NOL10: variants seen among roughly 807,000 people sequenced by gnomAD.
NOL10 encodes the protein H_NH0074G24.1.
NOL10 carries 58 observed loss-of-function variants against 103.5 expected under a neutral mutation model. The observed-to-expected ratio is 0.56, with a 90% CI of 0.45 to 0.70. NOL10 has a LOEUF of 0.70. Ranked by LOEUF, NOL10 falls within the 30% of genes least tolerant of loss-of-function variation. The probability of loss-of-function intolerance (pLI) is 0.00; values close to 1 mark genes in which losing one functional copy is unlikely to be tolerated. For missense variants in NOL10, 763 were observed against 807.3 expected (o/e 0.95, Z 0.67); for synonymous variants, 287 against 282.5 (o/e 1.02, Z -0.16).
intron 17 of NOL10, among the ~76,000 whole-genome samples, chr2:10,599,070 G>C (rs1675843041): frequency 8.4e-6 from 1 of 118,914 alleles, no homozygotes; most frequent in Non-Finnish European, 1.7e-5. Context: ...CCTCAGCAAA[G>C]GTCTACAAAG....
intron 13 of NOL10, among the ~76,000 whole-genome samples, chr2:10,631,716 T>C (rs1239643353): frequency 7.8e-6 from 1 of 128,994 alleles, no homozygotes; most frequent in Non-Finnish European, 1.5e-5. Context: ...ATGTTCTCCC[T>C]GTTTTTTTTT....
At chr2:10,653,734 A>G (rs1419891764) in intron 12 of NOL10, among the ~76,000 whole-genome samples, 1 of 149,166 alleles carries the variant, frequency 6.7e-6, no homozygotes, top group African/African-American at 2.5e-5. Context: ...CAGCCCCCCA[A>G]CTCCACCTAA....
intron 13 of NOL10, among the ~76,000 whole-genome samples, chr2:10,611,195 AATG>A (rs149893638): frequency 0.014 from 2,194 of 152,322 alleles, 65 homozygotes; most frequent in African/African-American, 0.05. Flanking sequence ...TAGCAACTTT[AATG>A]ATAATCATAT....
At chr2:10,680,716 G>A (rs1366371301) in intron 3 of NOL10, among the ~76,000 whole-genome samples, 1 of 152,116 alleles carries the variant, frequency 6.6e-6, no homozygotes, top group Non-Finnish European at 1.5e-5. Flanking sequence ...AAAGAGACTG[G>A]CCTGTGTATG....
chr2:10,686,371 G>A (rs912273298), intron 1 of NOL10, among the ~76,000 whole-genome samples: 1 of 152,196 alleles, frequency 6.6e-6, no homozygotes, highest in Non-Finnish European at 1.5e-5. Context: ...GTCTCGAGCA[G>A]TGAGACTTGT....
rs796684635 is a variant in NOL10, at chr2:10,587,090, T to C, written c.1844+1953A>G. 6.2e-4 allele frequency among the ~76,000 whole-genome samples: 40 copies of C among 64,878 alleles called. 6 individuals carry two copies. Among genetic ancestry groups the C allele is most frequent in the Middle Eastern group, 7.4e-3 (1 of 136 alleles). 42.6% of individuals were successfully genotyped at this position (64,878 alleles called of 152,430 possible). On this transcript the variant is annotated intron_variant, in intron 19 of 20. Transcript: ENST00000381685. ...ATACATATATATACATATATATACA[T>C]ATATATACACATATATATACATATA... is the stretch of plus-strand genomic sequence containing the variant.
At chr2:10,613,097 A>G (rs577900715) in intron 13 of NOL10, among the ~76,000 whole-genome samples, 1 of 152,230 alleles carries the variant, frequency 6.6e-6, no homozygotes, top group African/African-American at 2.4e-5. Flanking sequence ...TTTTAATTTC[A>G]GGAATAAAAC....
chr2:10,665,521 T>C (rs1240233887), intron 8 of NOL10, among the ~76,000 whole-genome samples: 1 of 152,240 alleles, frequency 6.6e-6, no homozygotes, highest in Non-Finnish European at 1.5e-5. Context: ...CTTATGAAAC[T>C]GCAAGCTGCT....
chr2:10,659,345 G>GGC (rs1553311172), intron 9 of NOL10, 95 bp from the exon 10 acceptor site: 7 of 353,700 alleles, frequency 2.0e-5, no homozygotes, highest in Non-Finnish European at 3.6e-5. Flanking sequence ...ATCTAATGGG[G>GGC]GGGGGGGGGA....
chr2:10,645,619 C>T (rs1169452358), intron 12 of NOL10, among the ~76,000 whole-genome samples: 1 of 151,212 alleles, frequency 6.6e-6, no homozygotes, highest in African/African-American at 2.4e-5. Context: ...CTGCAAGCTC[C>T]ACCTCCTGGG....
intron 3 of NOL10, among the ~76,000 whole-genome samples, chr2:10,680,640 T>C (rs1277644864): frequency 6.6e-6 from 1 of 152,136 alleles, no homozygotes; most frequent in Non-Finnish European, 1.5e-5. Flanking sequence ...TTTCTGAACA[T>C]AAAACTGAAG....
chr2:10,669,060 G>A (rs567946576), intron 6 of NOL10, among the ~76,000 whole-genome samples: 2 of 152,000 alleles, frequency 1.3e-5, no homozygotes, highest in East Asian at 1.9e-4. Flanking sequence ...TCCTCTCTGG[G>A]TGGTGTAATT....
chr2:10,603,686 C>T (rs994573165), intron 14 of NOL10, among the ~76,000 whole-genome samples: 1 of 152,188 alleles, frequency 6.6e-6, no homozygotes, highest in African/African-American at 2.4e-5. Flanking sequence ...ATATGCACTC[C>T]TCATCAGGGA....
At chr2:10,610,062 C>A (rs967215324) in intron 13 of NOL10, among the ~76,000 whole-genome samples, 1 of 152,152 alleles carries the variant, frequency 6.6e-6, no homozygotes, top group African/African-American at 2.4e-5. Context: ...CTTATTCAGA[C>A]AAAAACACTC....
chr2:10,580,434 G>C (rs1179478020), intron 19 of NOL10, among the ~76,000 whole-genome samples: 1 of 151,386 alleles, frequency 6.6e-6, no homozygotes, highest in Admixed American at 6.6e-5. Context: ...ACAGCCATGG[G>C]GGACTTTTTC....
intron 13 of NOL10, among the ~76,000 whole-genome samples, chr2:10,630,338 C>G (rs1051431387): frequency 6.6e-6 from 1 of 152,182 alleles, no homozygotes; most frequent in Non-Finnish European, 1.5e-5. Flanking sequence ...ATTCCAAAGT[C>G]TAAGTTATTT....
intron 1 of NOL10, among the ~76,000 whole-genome samples, chr2:10,685,222 C>G (rs1682069382): frequency 6.6e-6 from 1 of 152,062 alleles, no homozygotes; most frequent in Non-Finnish European, 1.5e-5. Flanking sequence ...AAATAACTGA[C>G]CAAATAGCTG....
intron 13 of NOL10, among the ~76,000 whole-genome samples, chr2:10,611,451 G>A (rs1305796136): frequency 6.6e-6 from 1 of 152,178 alleles, no homozygotes; most frequent in Non-Finnish European, 1.5e-5. Flanking sequence ...ATGTATTCCT[G>A]TAAAGCACTA....
At chr2:10,642,983 T>C (rs1337224106) in intron 13 of NOL10, among the ~76,000 whole-genome samples, 1 of 152,202 alleles carries the variant, frequency 6.6e-6, no homozygotes, top group East Asian at 1.9e-4. Flanking sequence ...ACTGCCAGCA[T>C]ACAGCATCGT....
Sources: allele counts gnomAD v4.1 joint callset (sites outside exome capture counted in the v4.1 genomes callset), GRCh38; gene constraint gnomAD v4.1.1; transcripts MANE v1.5; gene names NCBI Gene and HGNC (gene_info 2026-07-23, HGNC 2026-07-21).